The following PPARG variants were observed in gnomAD, a reference collection of about 807,000 sequenced individuals.
PPARG encodes peroxisome proliferator-activated receptor gamma.
PPARG carries 17 observed loss-of-function variants against 39.2 expected under a neutral mutation model. The ratio of observed to expected loss-of-function variants is 0.43; its 90% CI spans 0.30 to 0.65. The LOEUF is 0.65. Among genes scored for constraint, PPARG ranks in the 30% least tolerant of loss-of-function variants. The pLI is 0.13. For synonymous variants in PPARG, 223 were observed against 215.7 expected (o/e 1.03, Z -0.30); for missense variants, 406 against 585.9 (o/e 0.69, Z 3.17).
chr3:12,405,793 T>C (rs1314181750), intron 5 of PPARG, 89 bp from the exon 6 acceptor site: 1 of 1,356,328 alleles, frequency 7.4e-7, no homozygotes, highest in Non-Finnish European at 1.0e-6. Context: ...GGGCTTCTAC[T>C]GTGTGGGAAC....
chr3:12,392,516 C>A, intron 4 of PPARG, 98 bp from the exon 5 acceptor site: 3 of 1,398,928 alleles, frequency 2.1e-6, no homozygotes, highest in South Asian at 2.4e-5. Flanking sequence ...CAAGAACCTG[C>A]CTTTTCTGAT....
intron 2 of PPARG, among the ~76,000 whole-genome samples, chr3:12,339,634 G>A (rs1575018623): frequency 1.3e-5 from 2 of 152,116 alleles, no homozygotes; most frequent in East Asian, 1.9e-4. Flanking sequence ...CTACAGTATC[G>A]TGGATTCTAG....
chr3:12,420,833 C>T (rs150284548), intron 7 of PPARG, among the ~76,000 whole-genome samples: 40 of 152,340 alleles, frequency 2.6e-4, no homozygotes, highest in African/African-American at 9.6e-4. Context: ...AGCGTCTCTG[C>T]TGTTCACTCA....
rs2049566525 is a variant in PPARG at position 12,379,804 on chromosome 3, T to C, written c.93T>C (p.Asp31=). 1 of 1,614,060 alleles carries C rather than the reference T, an allele frequency of 6.2e-7. No homozygotes were observed. The highest frequency in any genetic ancestry group is 8.5e-7 in the Non-Finnish European group (1 of 1,179,944). The change falls in exon 3 of 8, where the codon GAT becomes GAC. Residue 31 remains aspartate (D), a synonymous_variant. Transcript: ENST00000651735. The part of the protein sequence containing the change: ...SVMEDHSHSF[D]IKPFTTVDFS... ...TGGAAGACCACTCCCACTCCTTTGA[T>C]ATCAAGCCCTTCACTACTGTTGACT...
chr3:12,405,764 CAA>C lies in PPARG; in HGVS notation c.530-117_530-116del. The C allele has an allele frequency of 4.9e-6, 5 of 1,010,264 alleles. No homozygotes were observed. In the Admixed American group the frequency reaches 5.6e-5, roughly 11 times the overall value. The allele number at this position is 1,010,264 out of a possible 1,614,324, so 62.6% of individuals were successfully genotyped here. On this transcript the variant is annotated intron_variant, in intron 5 of 7. Transcript: ENST00000651735. The stretch of plus-strand genomic sequence containing the variant: ...AAAGTGGTAGACAGAAACCAGGACT[CAA>C]GAGCAGTGGAGGAGGAGGGCTTCTA...
In PPARG at chr3:12,416,719, G is replaced by A; in HGVS notation, c.745G>A (p.Asp249Asn). The change falls in exon 7 of 8, where the codon GAC becomes AAC. Residue 249 changes from aspartate to asparagine, a missense_variant. Physicochemically the swap from Asp to Asn is conservative, Grantham distance 23 (BLOSUM62 1). Transcript: ENST00000651735. ...TTATTTGCAGCCATTCGTTATCTAT[G>A]ACATGAATTCCTTAATGATGGGAGA... ...TTDKSPFVIY[D>N]MNSLMMGEDK... 6.2e-7 allele frequency: 1 copy of A among 1,613,744 alleles called. No individual in the cohort carries two copies. Among genetic ancestry groups the A allele is most frequent in the Non-Finnish European group, 8.5e-7 (1 of 1,179,826 alleles).
rs568320592 is a variant in PPARG, at chr3:12,296,851, T to C, written c.-83+7717T>C. Among the ~76,000 whole-genome samples the C allele has an allele frequency of 3.3e-5, 5 of 152,366 alleles. No homozygotes were observed. In the South Asian group the frequency reaches 6.2e-4, roughly 19 times the overall value. ...TCATGTTAAACAGATTTACAAGATA[T>C]GGATTTGTAAACCTCAATTCCAGTT... is the stretch of plus-strand genomic sequence containing the variant. On this transcript the variant is annotated intron_variant, in intron 1 of 7. Transcript: ENST00000651735.
At chr3:12,292,215 A>G (rs535039852) in intron 1 of PPARG, among the ~76,000 whole-genome samples, 12 of 152,340 alleles carry the variant, frequency 7.9e-5, no homozygotes, top group Middle Eastern at 3.4e-3. Context: ...AAAAATCAGC[A>G]TAGTAATTAT....
At chr3:12,333,144 AAAAC>A (rs145389985) in intron 2 of PPARG, among the ~76,000 whole-genome samples, 84 of 152,248 alleles carry the variant, frequency 5.5e-4, no homozygotes, top group Admixed American at 1.6e-3. Context: ...GGGCCTTGTA[AAAAC>A]AAACAAACAA....
At chr3:12,363,974 C>T (rs376673723) in intron 2 of PPARG, among the ~76,000 whole-genome samples, 15 of 151,780 alleles carry the variant, frequency 9.9e-5, no homozygotes, top group Middle Eastern at 3.4e-3. Flanking sequence ...TTCCTGTCCC[C>T]CACCACGCAC....
In PPARG at chr3:12,329,500, G is replaced by A. The variant is rs145968452; in HGVS notation, c.-9+17047G>A. Among the ~76,000 whole-genome samples, 23 of 152,270 alleles carry A rather than the reference G, an allele frequency of 1.5e-4. No homozygotes were observed. In the East Asian group the frequency reaches 4.2e-3, roughly 28 times the overall value. The stretch of plus-strand genomic sequence containing the variant: ...CACTTATTACTGCTAATTCTTGATT[G>A]TAGAACAAATTTTCCTATGAAAACC... On this transcript the variant is annotated intron_variant, in intron 2 of 7. Transcript: ENST00000651735.
chr3:12,394,865 G>A (rs948573569), intron 5 of PPARG, among the ~76,000 whole-genome samples: 1 of 152,184 alleles, frequency 6.6e-6, no homozygotes, highest in Admixed American at 6.5e-5. Flanking sequence ...CATTCATATA[G>A]AATGCCTTTT....
intron 1 of PPARG, among the ~76,000 whole-genome samples, chr3:12,292,454 A>C (rs1041900553): frequency 6.6e-6 from 1 of 152,126 alleles, no homozygotes; most frequent in African/African-American, 2.4e-5. Flanking sequence ...TCACAACTTA[A>C]AAGACTAAAT....
chr3:12,287,512 C>T (rs1235719968), upstream of PPARG: 2 of 152,146 alleles, frequency 1.3e-5, no homozygotes, highest in Admixed American at 6.5e-5. Flanking sequence ...GGCCGATCGC[C>T]GTGTGAAGGG....
chr3:12,338,143 G>C (rs1575016147), intron 2 of PPARG, among the ~76,000 whole-genome samples: 1 of 152,198 alleles, frequency 6.6e-6, no homozygotes, highest in African/African-American at 2.4e-5. Flanking sequence ...TTCAGGCATA[G>C]GTAGGAAAGT....
At chr3:12,310,458 C>CTTTTTTTT (rs1204347882) in intron 1 of PPARG, among the ~76,000 whole-genome samples, 3 of 69,902 alleles carry the variant, frequency 4.3e-5, no homozygotes, top group Non-Finnish European at 5.5e-5. Flanking sequence ...TATTTGAGCC[C>CTTTTTTTT]TTTTTTTTTT....
intron 5 of PPARG, among the ~76,000 whole-genome samples, chr3:12,395,766 G>A (rs1348565238): frequency 1.3e-5 from 2 of 152,090 alleles, no homozygotes; most frequent in South Asian, 2.1e-4. Flanking sequence ...TAATTCCACC[G>A]ATTGCTCAGA....
chr3:12,397,992 CGTCT>C (rs1195763061), intron 5 of PPARG, among the ~76,000 whole-genome samples: 2 of 152,116 alleles, frequency 1.3e-5, no homozygotes, highest in African/African-American at 2.4e-5. Context: ...TCTGTTGATG[CGTCT>C]GTCTGTTCCT....
intron 2 of PPARG, among the ~76,000 whole-genome samples, chr3:12,339,305 T>C (rs1435505296): frequency 1.3e-5 from 2 of 152,156 alleles, no homozygotes; most frequent in Non-Finnish European, 2.9e-5. Context: ...TGTCTGGGAT[T>C]GGGGGTAGTA....
Sources: gnomAD v4.1 joint callset for allele counts (sites outside exome capture counted in the v4.1 genomes callset) on GRCh38, gnomAD v4.1.1 for gene constraint, MANE v1.5 for transcripts, NCBI Gene and HGNC (gene_info 2026-07-23, HGNC 2026-07-21) for gene names.